The following PKD1L3 variants were observed in gnomAD, a reference collection of about 807,000 sequenced individuals.
PKD1L3 encodes polycystin 1 like 3, transient receptor potential channel interacting.
PKD1L3 carries 239 observed loss-of-function variants against 184.1 expected under a neutral mutation model. The observed-to-expected ratio is 1.30, with a 90% CI of 1.17 to 1.45. PKD1L3 has a LOEUF of 1.45. PKD1L3 is among the 40% of genes most tolerant of loss of function. PKD1L3 has a pLI of 0.00. For missense variants in PKD1L3, 2,660 were observed against 2,067.2 expected (o/e 1.29, Z -5.56); for synonymous variants, 996 against 778.8 (o/e 1.28, Z -4.64).
chr16:71,933,897 A>G lies in PKD1L3; in HGVS notation c.4824+18T>C. The G allele has an allele frequency of 6.5e-7, 1 of 1,548,276 alleles. No individual in the cohort carries two copies. Among genetic ancestry groups the G allele is most frequent in the South Asian group, 1.2e-5 (1 of 84,020 alleles). On this transcript the variant is annotated intron_variant, in intron 27 of 29. Coordinates refer to ENST00000620267, the MANE Select transcript of PKD1L3 (RefSeq NM_181536.2). ...CCACAGCACACGGAGAAGGAGAGACAGCAACGTGGGGGCTTACGGCAATGG... is the reference window on the plus strand; with the variant it reads ...CCACAGCACACGGAGAAGGAGAGACGGCAACGTGGGGGCTTACGGCAATGG...
intron 29 of PKD1L3, 105 bp from the exon 30 acceptor site, chr16:71,929,783 A>G (rs2037860230): frequency 8.6e-7 from 1 of 1,166,714 alleles, no homozygotes; most frequent in Non-Finnish European, 1.2e-6. Context: ...AAATGTAAAG[A>G]TACTATTTCT....
At chr16:71,988,572 A>C (rs1383961417) in intron 4 of PKD1L3, among the ~76,000 whole-genome samples, 2 of 152,218 alleles carry the variant, frequency 1.3e-5, no homozygotes, top group Non-Finnish European at 2.9e-5. Context: ...AGAAGGGGTT[A>C]GATTTGGGAC....
intron 11 of PKD1L3, among the ~76,000 whole-genome samples, chr16:71,974,445 T>G (rs1292896395): frequency 6.6e-6 from 1 of 152,148 alleles, no homozygotes; most frequent in African/African-American, 2.4e-5. Flanking sequence ...TTTGGGAGGT[T>G]AAGGCAGGAG....
chr16:71,964,509 T>C (rs2039420659), intron 15 of PKD1L3, among the ~76,000 whole-genome samples: 1 of 151,240 alleles, frequency 6.6e-6, no homozygotes, highest in Non-Finnish European at 1.5e-5. Context: ...CGGCTAGTTT[T>C]TGTATTTTTA....
intron 25 of PKD1L3, among the ~76,000 whole-genome samples, chr16:71,936,524 T>TC (rs60975985): frequency 0.038 from 5,724 of 148,972 alleles, 389 homozygotes; most frequent in African/African-American, 0.13. Context: ...TTTTTCTTTT[T>TC]TTTTTTTTTT....
chr16:71,996,385 T>G (rs143356081), intron 2 of PKD1L3, among the ~76,000 whole-genome samples: 1,534 of 151,254 alleles, frequency 0.01, 10 homozygotes, highest in Non-Finnish European at 0.016. Context: ...CTCAGCCTCC[T>G]GAGTACCTGG....
intron 23 of PKD1L3, among the ~76,000 whole-genome samples, chr16:71,943,556 A>C (rs1414148459): frequency 2.0e-5 from 3 of 151,496 alleles, no homozygotes; most frequent in Middle Eastern, 3.4e-3. Flanking sequence ...AAAAAAAAAA[A>C]AACATAAAAT....
At chr16:71,958,546 G>A (rs1298298273) in intron 16 of PKD1L3, among the ~76,000 whole-genome samples, 2 of 151,888 alleles carry the variant, frequency 1.3e-5, no homozygotes, top group African/African-American at 4.8e-5. Context: ...TTGGGAGGCC[G>A]AGGTGAGTGG....
At chr16:71,964,147 C>T (rs2039398948) in intron 15 of PKD1L3, among the ~76,000 whole-genome samples, 1 of 152,044 alleles carries the variant, frequency 6.6e-6, no homozygotes, top group Admixed American at 6.6e-5. Context: ...TCTCTGCTAA[C>T]TTCAGCCGTT....
intron 15 of PKD1L3, among the ~76,000 whole-genome samples, chr16:71,965,005 C>T (rs942299589): frequency 2.6e-5 from 4 of 152,028 alleles, no homozygotes; most frequent in African/African-American, 9.6e-5. Context: ...AGCCATCACG[C>T]CCAGCTAATT....
Position 71,985,375 on chromosome 16 carries a change from A to G in PKD1L3, c.834+846T>C, listed in dbSNP as rs111961561. Among the ~76,000 whole-genome samples the G allele has an allele frequency of 3.3e-3, 509 of 152,288 alleles. 4 individuals are homozygous for G. Among genetic ancestry groups the G allele is most frequent in the African/African-American group, 0.011 (477 of 41,570 alleles). On this transcript the variant is annotated intron_variant, in intron 5 of 29. Transcript: ENST00000620267. ...CGTTTGAGTTTAGGGAAAAAAAAGC[A>G]TGAGGGAAGCAGGATTATTTTCTTC...
At position 71,977,447 on chromosome 16, in the gene PKD1L3, A is replaced by T. The variant is rs933810849; in HGVS notation, c.1548T>A (p.Val516=). Reference sequence around the variant, plus strand: ...GGCTGGTGGGATGGGTTTCCAAGCTAACATTTCTCCAGAGCATGATCTAGA... The same window carrying T: ...GGCTGGTGGGATGGGTTTCCAAGCTTACATTTCTCCAGAGCATGATCTAGA... The part of the protein sequence containing the change: ...EDIEIMLWRN[V]SLETHPTSLN... The change falls in exon 11 of 30, where the codon GTT becomes GTA. Residue 516 remains valine (V), a synonymous_variant. Transcript: ENST00000620267. 1 of 1,550,344 alleles carries T rather than the reference A, an allele frequency of 6.5e-7. No homozygotes were observed. The highest frequency in any genetic ancestry group is 8.7e-7 in the Non-Finnish European group (1 of 1,145,780).
chr16:71,947,172 G>T (rs559476140), intron 22 of PKD1L3, among the ~76,000 whole-genome samples: 3 of 152,042 alleles, frequency 2.0e-5, no homozygotes, highest in African/African-American at 4.8e-5. Context: ...CAGGAGAATC[G>T]CTTGAACCCA....
chr16:71,962,184 A>G (rs1191306213), intron 16 of PKD1L3, among the ~76,000 whole-genome samples: 1 of 152,048 alleles, frequency 6.6e-6, no homozygotes, highest in Non-Finnish European at 1.5e-5. Context: ...TCGGCCTCCC[A>G]AAGTGCTGGG....
At chr16:71,985,002 A>G (rs7205914) in intron 5 of PKD1L3, among the ~76,000 whole-genome samples, 116,402 of 152,050 alleles carry the variant, frequency 0.77, 44,814 homozygotes, top group South Asian at 0.86. Flanking sequence ...ACTTGAACTC[A>G]AAGTCCAACC....
intron 22 of PKD1L3, among the ~76,000 whole-genome samples, chr16:71,945,687 T>TAAATAA (rs2038577292): frequency 6.6e-6 from 1 of 151,328 alleles, no homozygotes; most frequent in Non-Finnish European, 1.5e-5. Context: ...CATAAATAAA[T>TAAATAA]AAATAAAAAT....
intron 1 of PKD1L3, among the ~76,000 whole-genome samples, chr16:71,998,687 G>A (rs2040872054): frequency 6.6e-6 from 1 of 152,088 alleles, no homozygotes; most frequent in Non-Finnish European, 1.5e-5. Flanking sequence ...CTGATCTCAG[G>A]TGATCCATCC....
At chr16:71,978,862 G>A (rs1158653597) in intron 9 of PKD1L3, among the ~76,000 whole-genome samples, 6 of 151,916 alleles carry the variant, frequency 3.9e-5, no homozygotes, top group Admixed American at 2.6e-4. Flanking sequence ...TTAAATATTG[G>A]GATGTGCCCC....
In PKD1L3 at chr16:71,967,184, C is replaced by G. The variant is rs2039530667; in HGVS notation, c.2418G>C (p.Leu806=). Residue 806 remains leucine (L), a synonymous_variant, in exon 15 of 30, where the codon CTG becomes CTC. Coordinates refer to ENST00000620267, the MANE Select transcript of PKD1L3 (RefSeq NM_181536.2). ...TGTCATGCCAGAGCCGAAGGCTGTG[C>G]AGGTTCCCTAGAGAGGTCCAAGTGG... ...LLTTWTSLGN[L]HSLRLWHDNS... is the part of the protein sequence containing the mutation. 1.3e-6 allele frequency: 2 copies of G among 1,551,690 alleles called. No individual in the cohort carries two copies. Among genetic ancestry groups the G allele is most frequent in the South Asian group, 2.4e-5 (2 of 84,060 alleles).
Sources: gnomAD v4.1 joint callset for allele counts (sites outside exome capture counted in the v4.1 genomes callset) on GRCh38, gnomAD v4.1.1 for gene constraint, MANE v1.5 for transcripts, NCBI Gene and HGNC (gene_info 2026-07-23, HGNC 2026-07-21) for gene names.